The following FREM2 variants were observed in gnomAD, a reference collection of about 807,000 sequenced individuals.
FREM2 encodes the protein FRAS1-related extracellular matrix protein 2.
A neutral mutation model predicts 219.9 loss-of-function variants in FREM2; 119 were observed. The observed-to-expected ratio is 0.54, with a 90% CI of 0.47 to 0.63. The LOEUF (loss-of-function observed/expected upper bound fraction) is 0.63. Among genes scored for constraint, FREM2 ranks in the 30% least tolerant of loss-of-function variants. The pLI, the probability that FREM2 is intolerant of heterozygous loss-of-function variation, is 0.00. For synonymous variants in FREM2, 1,562 were observed against 1,522.8 expected, an observed-to-expected ratio of 1.03 and a Z score of -0.60; for missense variants, 4,030 against 3,993.6, an observed-to-expected ratio of 1.01 and a Z score of -0.25.
chr13:38,745,505 T>C (rs1473402258), intron 2 of FREM2, among the ~76,000 whole-genome samples: 3 of 152,188 alleles, frequency 2.0e-5, no homozygotes, highest in African/African-American at 7.2e-5. Context: ...ATCACTTCCC[T>C]AAAAACATCA....
rs1873661459 is a variant in FREM2 at position 38,771,583 on chromosome 13, T to C, written c.5641+1775T>C. Among the ~76,000 whole-genome samples the C allele has an allele frequency of 2.0e-5, 3 of 152,142 alleles. No homozygotes were observed. The South Asian group carries it at 6.2e-4, about 32-fold the overall frequency. The stretch of plus-strand genomic sequence containing the variant: ...CCCCACATACACAGCCCCCCACTTA[T>C]ATAATCTTTTCTTAGTGTAGGCTAT... On this transcript the variant is annotated intron_variant, in intron 4 of 23. Transcript: ENST00000280481.
At chr13:38,704,210 A>G (rs1470603513) in intron 2 of FREM2, among the ~76,000 whole-genome samples, 1 of 152,178 alleles carries the variant, frequency 6.6e-6, no homozygotes, top group African/African-American at 2.4e-5. Context: ...TACTCAACAA[A>G]TATTTTTGGA....
intron 11 of FREM2, among the ~76,000 whole-genome samples, chr13:38,854,686 T>C (rs558595043): frequency 6.6e-6 from 1 of 152,160 alleles, no homozygotes; most frequent in East Asian, 1.9e-4. Flanking sequence ...ATGGGCTCAT[T>C]ATGATATGTG....
Position 38,691,851 on chromosome 13 carries a change from A to G in FREM2, c.4507A>G (p.Lys1503Glu), listed in dbSNP as rs779181685. 7 of 1,614,154 alleles carry G rather than the reference A, an allele frequency of 4.3e-6. No homozygotes were observed. The highest frequency in any genetic ancestry group is 1.1e-5 in the South Asian group (1 of 91,084). ...YYIHTADDEVKMDSFEFQVTD... is the reference protein window; with the variant it reads ...YYIHTADDEVEMDSFEFQVTD... ...CATCCACACAGCTGATGATGAAGTGAAAATGGACAGTTTTGAGTTTCAAGT... is the reference window on the plus strand; with the variant it reads ...CATCCACACAGCTGATGATGAAGTGGAAATGGACAGTTTTGAGTTTCAAGT... Residue 1503 changes from lysine (K) to glutamate (E), a missense_variant, in exon 1 of 24, where the codon AAA becomes GAA. By Grantham distance (56) the Lys-to-Glu change is moderately conservative. Around this residue, in one of 2 missense-constraint regions of FREM2, gnomAD observed 3,102 missense variants for 2,950.7 expected, o/e 1.05. Transcript: ENST00000280481.
chr13:38,789,476 C>G (rs867490772), intron 6 of FREM2, among the ~76,000 whole-genome samples: 12 of 150,110 alleles, frequency 8.0e-5, no homozygotes, highest in African/African-American at 2.9e-4. Context: ...TTTTCCTTTT[C>G]TCTTTCAATT....
At chr13:38,861,028 G>C (rs1877742630) in intron 14 of FREM2, among the ~76,000 whole-genome samples, 1 of 152,130 alleles carries the variant, frequency 6.6e-6, no homozygotes, top group Non-Finnish European at 1.5e-5. Flanking sequence ...TTATTCTAGA[G>C]TAAAAATAAC....
intron 16 of FREM2, among the ~76,000 whole-genome samples, chr13:38,870,994 G>A (rs914612336): frequency 6.6e-6 from 1 of 152,054 alleles, no homozygotes; most frequent in Non-Finnish European, 1.5e-5. Context: ...AGGACTAGTG[G>A]CATATGGGTT....
At position 38,769,632 on chromosome 13, in the gene FREM2, C is replaced by A; in HGVS notation, c.5465C>A (p.Ala1822Glu). ...AAAGACAAAGACTTCAAGGGCAAAG[C>A]ACAGAAACAAGTGCAGTTCAACCCA... ...AEKDKDFKGK[A>E]QKQVQFNPGQ... Residue 1822 changes from alanine (A) to glutamate (E), a missense_variant, in exon 4 of 24, where the codon GCA (alanine) becomes GAA (glutamate). Transcript: ENST00000280481. 1.2e-6 allele frequency: 2 copies of A among 1,614,134 alleles called. No individual in the cohort carries two copies. The highest frequency in any genetic ancestry group is 2.2e-5 in the South Asian group (2 of 91,072).
In FREM2 at chr13:38,851,081, C is replaced by T. The variant is rs775579786; in HGVS notation, c.6715C>T (p.Leu2239Phe). Residue 2239 changes from leucine to phenylalanine, a missense_variant, in exon 10 of 24, where the codon CTC (leucine) becomes TTC (phenylalanine). By Grantham distance (22) the Leu-to-Phe change is conservative. This residue lies in a region of FREM2 where 3,102 missense variants were observed against 2,950.7 expected (regional missense o/e 1.05). Transcript: ENST00000280481. ...GAAVGEQNET[L>F]IRIRDDADKT... is the part of the protein sequence containing the mutation. ...TGCAGTTGGTGAACAAAATGAAACT[C>T]TCATAAGGATCCGAGATGATGCTGA... is the stretch of plus-strand genomic sequence containing the variant. 1.9e-6 allele frequency: 3 copies of T among 1,613,872 alleles called. No homozygotes were observed. Among genetic ancestry groups the T allele is most frequent in the Admixed American group, 1.7e-5 (1 of 60,026 alleles).
chr13:38,864,816 T>C (rs774713248), intron 16 of FREM2, among the ~76,000 whole-genome samples: 3 of 140,306 alleles, frequency 2.1e-5, no homozygotes, highest in Non-Finnish European at 3.0e-5. Flanking sequence ...TTTTTGACAA[T>C]GGGCTAGAAA....
At chr13:38,712,650 T>A (rs1323001346) in intron 2 of FREM2, among the ~76,000 whole-genome samples, 1 of 148,958 alleles carries the variant, frequency 6.7e-6, no homozygotes, top group African/African-American at 2.5e-5. Flanking sequence ...TTTCTCTCTC[T>A]CACACACACA....
chr13:38,689,081 C>T lies in FREM2; in HGVS notation c.1737C>T (p.Ile579=), dbSNP rs144811771. 282 of 1,614,002 alleles carry T rather than the reference C, an allele frequency of 1.7e-4. No individual in the cohort carries two copies. The highest frequency in any genetic ancestry group is 2.3e-4 in the Admixed American group (14 of 60,018). ...LTLAEGETVP[I]LPLSLSATDM... ...TGGCAGAGGGTGAAACAGTGCCCATCCTGCCCCTTTCCCTGAGTGCAACTG... is the reference window on the plus strand; with the variant it reads ...TGGCAGAGGGTGAAACAGTGCCCATTCTGCCCCTTTCCCTGAGTGCAACTG... Residue 579 remains isoleucine, a synonymous_variant, in exon 1 of 24, where the codon ATC becomes ATT. Coordinates refer to ENST00000280481, the MANE Select transcript of FREM2 (RefSeq NM_207361.6).
Position 38,764,457 on chromosome 13 carries a change from T to G in FREM2, c.5410+7T>G. The G allele has an allele frequency of 1.4e-6, 2 of 1,457,622 alleles. No homozygotes were observed. Among genetic ancestry groups the G allele is most frequent in the Non-Finnish European group, 1.9e-6 (2 of 1,053,660 alleles). The allele number at this position is 1,457,622 out of a possible 1,614,324, so 90.3% of individuals were successfully genotyped here. On this transcript the variant is annotated splice_region_variant and intron_variant, in intron 3 of 23. Coordinates refer to ENST00000280481, the MANE Select transcript of FREM2 (RefSeq NM_207361.6). Reference sequence around the variant, plus strand: ...GGAGAAACTTCTTTTATAAGTAAGTTTAATTTTTTATTTCTGTTTTAAAAT... The same window carrying G: ...GGAGAAACTTCTTTTATAAGTAAGTGTAATTTTTTATTTCTGTTTTAAAAT...
intron 2 of FREM2, among the ~76,000 whole-genome samples, chr13:38,715,745 G>T (rs1870971550): frequency 1.3e-5 from 2 of 152,040 alleles, no homozygotes; most frequent in South Asian, 4.2e-4. Context: ...TTCTATCAGA[G>T]AATGATAGAA....
At chr13:38,822,786 A>G (rs915083601) in intron 6 of FREM2, among the ~76,000 whole-genome samples, 2 of 152,158 alleles carry the variant, frequency 1.3e-5, no homozygotes, top group African/African-American at 4.8e-5. Flanking sequence ...AACGCTTTGC[A>G]GTAGAAGATG....
chr13:38,882,949 G>A lies in FREM2; in HGVS notation c.*2162G>A, dbSNP rs1878598313. On this transcript the variant is annotated 3_prime_UTR_variant, in exon 24 of 24. Transcript: ENST00000280481. The stretch of plus-strand genomic sequence containing the variant: ...AATCGGTGAAGCATTACTGTACGAA[G>A]TCTGTTTTCAGGCTTTGGGTCAAGC... The A allele has an allele frequency of 6.6e-6, 1 of 152,160 alleles. No homozygotes were observed. The highest frequency in any genetic ancestry group is 1.5e-5 in the Non-Finnish European group (1 of 68,016). The allele number at this position is 152,160 out of a possible 1,614,324, so 9.4% of individuals were successfully genotyped here.
rs146685625 is a variant in FREM2 at position 38,690,084 on chromosome 13, T to C, written c.2740T>C (p.Cys914Arg). 6.2e-7 allele frequency: 1 copy of C among 1,614,000 alleles called. No homozygotes were observed. Among genetic ancestry groups the C allele is most frequent in the Non-Finnish European group, 8.5e-7 (1 of 1,180,040 alleles). Residue 914 changes from cysteine to arginine, a missense_variant, in exon 1 of 24, where the codon TGC (cysteine) becomes CGC (arginine). Cys to Arg is a radical substitution (Grantham distance 180, BLOSUM62 -3). Transcript: ENST00000280481. Reference protein sequence around the residue: ...HNGDKSLTDSCSLEVSDRHHV... With the variant: ...HNGDKSLTDSRSLEVSDRHHV... ...TGGGGACAAGTCCCTGACTGATAGC[T>C]GCTCCTTGGAAGTCAGTGACAGACA... is the stretch of plus-strand genomic sequence containing the variant.
chr13:38,697,470 T>G lies in FREM2; in HGVS notation c.5174-228T>G, dbSNP rs546843737. Among the ~76,000 whole-genome samples the G allele has an allele frequency of 4.6e-5, 7 of 152,330 alleles. No individual in the cohort carries two copies. The East Asian group carries it at 1.4e-3, about 29-fold the overall frequency. On this transcript the variant is annotated intron_variant, in intron 1 of 23. Transcript: ENST00000280481. Reference sequence around the variant, plus strand: ...GAGGGGAAACACCTTGCTATTATTATAAACTAACTCTTGCACTGTATTTAT... The same window carrying G: ...GAGGGGAAACACCTTGCTATTATTAGAAACTAACTCTTGCACTGTATTTAT...
chr13:38,822,347 C>CTTTTTTTTTT (rs951562767), intron 6 of FREM2, among the ~76,000 whole-genome samples: 1 of 100,050 alleles, frequency 1.0e-5, no homozygotes. Context: ...TTCTTTCTTT[C>CTTTTTTTTTT]TTTTTTTTTT....
Sources: allele counts gnomAD v4.1 joint callset (sites outside exome capture counted in the v4.1 genomes callset), GRCh38; gene constraint gnomAD v4.1.1; regional missense constraint gnomAD v4.1.1; transcripts MANE v1.5; gene names NCBI Gene and HGNC (gene_info 2026-07-23, HGNC 2026-07-21).